Variants in TRIO observed in about 807,000 individuals in gnomAD.
The protein encoded by TRIO is trio Rho guanine nucleotide exchange factor.
A neutral mutation model predicts 351.9 loss-of-function variants in TRIO; 58 were observed. The observed-to-expected ratio is 0.16, with a 90% CI of 0.13 to 0.21. The LOEUF (loss-of-function observed/expected upper bound fraction) is 0.21. Among genes scored for constraint, TRIO ranks in the 10% least tolerant of loss-of-function variants. The pLI, the probability that TRIO is intolerant of heterozygous loss-of-function variation, is 1.00. For synonymous variants in TRIO, 1,758 were observed against 1,595.7 expected, an observed-to-expected ratio of 1.10 and a Z score of -2.42; for missense variants, 3,201 against 4,027.8, an observed-to-expected ratio of 0.79 and a Z score of 5.56.
At chr5:14,427,268 C>T (rs1472456905) in intron 34 of TRIO, among the ~76,000 whole-genome samples, 2 of 152,204 alleles carry the variant, frequency 1.3e-5, no homozygotes, top group Non-Finnish European at 2.9e-5. Context: ...AGTGGCCCCA[C>T]CACCATCCTT....
intron 7 of TRIO, among the ~76,000 whole-genome samples, chr5:14,301,953 T>C (rs1027762860): frequency 7.9e-5 from 12 of 152,196 alleles, no homozygotes; most frequent in Non-Finnish European, 1.5e-5. Context: ...ATTTCTATCA[T>C]GGGCTGTTAT....
intron 1 of TRIO, among the ~76,000 whole-genome samples, chr5:14,179,432 T>C (rs1789613031): frequency 6.6e-6 from 1 of 152,076 alleles, no homozygotes; most frequent in Admixed American, 6.6e-5. Flanking sequence ...TATAAATATT[T>C]AAATAAATCA....
chr5:14,391,090 C>T, intron 27 of TRIO, 100 bp downstream of exon 27: 1 of 855,520 alleles, frequency 1.2e-6, no homozygotes, highest in Non-Finnish European at 1.7e-6. Context: ...ACAATGTTTT[C>T]ATTTTTGTCT....
At chr5:14,267,980 C>T (rs963748250) in intron 1 of TRIO, among the ~76,000 whole-genome samples, 4 of 152,232 alleles carry the variant, frequency 2.6e-5, no homozygotes, top group African/African-American at 7.2e-5. Flanking sequence ...AATTTATATT[C>T]TGGTCTATGC....
chr5:14,387,680 G>T, intron 22 of TRIO, 48 bp downstream of exon 22: 1 of 1,608,904 alleles, frequency 6.2e-7, no homozygotes, highest in Non-Finnish European at 8.5e-7. Context: ...TCTTCCTAAC[G>T]CCCTCTCTGC....
At chr5:14,437,577 C>A (rs911801335) in intron 34 of TRIO, among the ~76,000 whole-genome samples, 4 of 152,040 alleles carry the variant, frequency 2.6e-5, no homozygotes, top group African/African-American at 9.7e-5. Context: ...GAGTAGGTTT[C>A]TCCTGAGGCC....
chr5:14,153,507 A>G (rs1561140774), intron 1 of TRIO, among the ~76,000 whole-genome samples: 1 of 152,086 alleles, frequency 6.6e-6, no homozygotes, highest in Non-Finnish European at 1.5e-5. Context: ...TTATCTCTGT[A>G]TTGCCACCAC....
intron 1 of TRIO, among the ~76,000 whole-genome samples, chr5:14,207,338 A>AGC (rs1791558663): frequency 1.4e-5 from 1 of 71,986 alleles, no homozygotes; most frequent in Non-Finnish European, 2.7e-5. Flanking sequence ...ACACACACAC[A>AGC]CACACACACA....
At chr5:14,235,861 C>G (rs190179890) in intron 1 of TRIO, among the ~76,000 whole-genome samples, 1 of 151,988 alleles carries the variant, frequency 6.6e-6, no homozygotes, top group East Asian at 1.9e-4. Flanking sequence ...TGGGGTCTCA[C>G]TGTGTTGACC....
chr5:14,338,473 A>G (rs1741634137), intron 11 of TRIO, among the ~76,000 whole-genome samples: 1 of 152,198 alleles, frequency 6.6e-6, no homozygotes, highest in Non-Finnish European at 1.5e-5. Context: ...CTCCCTCTAC[A>G]TGCACCTGTT....
intron 9 of TRIO, among the ~76,000 whole-genome samples, chr5:14,323,695 G>C (rs932804179): frequency 6.6e-6 from 1 of 152,210 alleles, no homozygotes; most frequent in South Asian, 2.1e-4. Context: ...CTTGGCCTCC[G>C]TGGGAGAGGG....
chr5:14,353,102 T>G (rs1201093318), intron 11 of TRIO, among the ~76,000 whole-genome samples: 1 of 152,126 alleles, frequency 6.6e-6, no homozygotes, highest in Non-Finnish European at 1.5e-5. Flanking sequence ...TTTGAACAAT[T>G]GGTAGGAACC....
intron 23 of TRIO, among the ~76,000 whole-genome samples, chr5:14,388,195 A>T (rs184929399): frequency 6.6e-6 from 1 of 152,328 alleles, no homozygotes; most frequent in East Asian, 1.9e-4. Context: ...TATATAAATA[A>T]AAAAGAGTGC....
chr5:14,357,934 C>G lies in TRIO; in HGVS notation c.2047-244C>G, dbSNP rs58897996. 1.2e-4 allele frequency among the ~76,000 whole-genome samples: 19 copies of G among 152,184 alleles called. No individual in the cohort carries two copies. In the South Asian group the frequency reaches 3.3e-3, roughly 27 times the overall value. On this transcript the variant is annotated intron_variant, in intron 11 of 56. Transcript: ENST00000344204. ...TTTTGTGACAGTGCTGCCCGCCGTT[C>G]GCCTGTTTATTTTCCTCCCTGCGGC...
intron 33 of TRIO, 94 bp downstream of exon 33, chr5:14,406,766 C>T: frequency 7.8e-7 from 1 of 1,289,172 alleles, no homozygotes; most frequent in East Asian, 2.4e-5. Flanking sequence ...AGTTTGTCAT[C>T]AACATTTTCA....
chr5:14,198,640 G>A (rs565523771), intron 1 of TRIO, among the ~76,000 whole-genome samples: 6 of 151,540 alleles, frequency 4.0e-5, no homozygotes, highest in Admixed American at 2.0e-4. Flanking sequence ...AGGTGTGAGG[G>A]CCTTTGCATT....
At chr5:14,498,826 A>G (rs1193580164) in intron 53 of TRIO, 186 bp downstream of exon 53, 1 of 761,270 alleles carries the variant, frequency 1.3e-6, no homozygotes, top group East Asian at 3.0e-5. Flanking sequence ...CAGGAGAGTG[A>G]CCTCTCGGCA....
At chr5:14,387,299 TG>T in intron 21 of TRIO, 138 bp from the exon 22 acceptor site, 1 of 757,706 alleles carries the variant, frequency 1.3e-6, no homozygotes, top group Non-Finnish European at 2.1e-6. Context: ...TGGGTGGACC[TG>T]GGGCTTTGGT....
intron 9 of TRIO, among the ~76,000 whole-genome samples, chr5:14,323,304 G>A (rs758546626): frequency 2.0e-5 from 3 of 152,080 alleles, no homozygotes; most frequent in South Asian, 2.1e-4. Flanking sequence ...TGGAAAAGTC[G>A]AATGGCTTGG....
Sources: gnomAD v4.1 joint callset for allele counts (sites outside exome capture counted in the v4.1 genomes callset) on GRCh38, gnomAD v4.1.1 for gene constraint, MANE v1.5 for transcripts, NCBI Gene and HGNC (gene_info 2026-07-23, HGNC 2026-07-21) for gene names.